CKLF: variants seen among roughly 807,000 people sequenced by gnomAD.
The protein encoded by CKLF is chemokine like factor.
Under a neutral mutation model 12.9 loss-of-function variants are expected in CKLF, and 16 were observed. The ratio of observed to expected loss-of-function variants is 1.24; its 90% confidence interval spans 0.84 to 1.88. CKLF has a LOEUF of 1.88. Among genes scored for constraint, CKLF ranks in the 40% most tolerant of loss-of-function variants. The pLI is 0.00. For synonymous variants in CKLF, 61 were observed against 69.0 expected, an observed-to-expected ratio of 0.88 and a Z score of 0.57; for missense variants, 172 against 188.5, an observed-to-expected ratio of 0.91 and a Z score of 0.51.
At chr16:66,556,889 C>G (rs1300428117) in intron 1 of CKLF, among the ~76,000 whole-genome samples, 1 of 152,166 alleles carries the variant, frequency 6.6e-6, no homozygotes, top group Non-Finnish European at 1.5e-5. Context: ...CCAGGGAAGA[C>G]TCTTGACCAA....
intron 1 of CKLF, among the ~76,000 whole-genome samples, chr16:66,557,443 C>T (rs1404895512): frequency 1.3e-5 from 2 of 152,178 alleles, no homozygotes; most frequent in Non-Finnish European, 1.5e-5. Flanking sequence ...GCTGGGATTA[C>T]AGGCATGAGC....
Position 66,552,684 on chromosome 16 carries a change from G to A in CKLF, c.-32G>A, listed in dbSNP as rs1335419700. 6.2e-7 allele frequency: 1 copy of A among 1,614,096 alleles called. No individual in the cohort carries two copies. The highest frequency in any genetic ancestry group is 8.5e-7 in the Non-Finnish European group (1 of 1,180,016). On this transcript the variant is annotated 5_prime_UTR_variant, in exon 1 of 4. Transcript: ENST00000264001. ...CAGGCAGCCAGCTGAGAAGAGTTGA[G>A]GGAAAGTGCTGCTGCTGGGTCTGCA...
rs557632169 is a variant in CKLF at position 66,552,607 on chromosome 16, G to C, written c.-109G>C. 182 of 1,547,454 alleles carry C rather than the reference G, an allele frequency of 1.2e-4. No homozygotes were observed. The African/African-American group carries it at 2.2e-3, about 18-fold the overall frequency. ...AAGCCGAGCTGGGCGAGAAGTAGGGGAGGGCGGTGCTCCGCCGCGGTGGCG... is the reference window on the plus strand; with the variant it reads ...AAGCCGAGCTGGGCGAGAAGTAGGGCAGGGCGGTGCTCCGCCGCGGTGGCG... On this transcript the variant is annotated 5_prime_UTR_variant, in exon 1 of 4. Coordinates refer to ENST00000264001, the MANE Select transcript of CKLF (RefSeq NM_016951.4).
At chr16:66,564,160 T>C (rs370023347) in intron 3 of CKLF, among the ~76,000 whole-genome samples, 8 of 152,188 alleles carry the variant, frequency 5.3e-5, no homozygotes, top group African/African-American at 1.4e-4. Context: ...TTTCATTCAC[T>C]TTTTTACTCA....
intron 2 of CKLF, among the ~76,000 whole-genome samples, chr16:66,560,532 A>G (rs973426135): frequency 6.6e-6 from 1 of 152,096 alleles, no homozygotes; most frequent in Non-Finnish European, 1.5e-5. Flanking sequence ...TCATATGGAG[A>G]TATTCAGAAA....
chr16:66,552,575 G>A, upstream of CKLF: 2 of 1,361,204 alleles, frequency 1.5e-6, no homozygotes, highest in Non-Finnish European at 1.0e-6. Flanking sequence ...GCGCGCAAGA[G>A]AGCGGGAAGC....
intron 1 of CKLF, among the ~76,000 whole-genome samples, chr16:66,556,626 C>T (rs2011462644): frequency 6.6e-6 from 1 of 152,140 alleles, no homozygotes; most frequent in Non-Finnish European, 1.5e-5. Flanking sequence ...AATCTGTGGG[C>T]TGAAGACCTT....
At chr16:66,558,093 C>A in intron 1 of CKLF, 97 bp from the exon 2 acceptor site, 1 of 1,534,622 alleles carries the variant, frequency 6.5e-7, no homozygotes. Flanking sequence ...TAGGCATGAC[C>A]CACTGTGCCC....
Position 66,552,802 on chromosome 16 carries a change from G to C in CKLF, c.78+9G>C. The C allele has an allele frequency of 1.9e-6, 3 of 1,613,888 alleles. No homozygotes were observed. The highest frequency in any genetic ancestry group is 2.5e-6 in the Non-Finnish European group (3 of 1,179,896). On this transcript the variant is annotated intron_variant, in intron 1 of 3. Transcript: ENST00000264001. ...TGAAGATGCTGCGGCTGGTGAGGCC[G>C]GGCCGCGGAGGGCGGGAGGCTGATG...
intron 3 of CKLF, 143 bp from the exon 4 acceptor site, chr16:66,565,743 C>T (rs929879384): frequency 2.1e-5 from 15 of 724,356 alleles, no homozygotes; most frequent in Non-Finnish European, 3.2e-5. Flanking sequence ...TGAAGTCTCT[C>T]CATGTTAGTA....
chr16:66,563,683 C>T (rs1344705928), intron 3 of CKLF, among the ~76,000 whole-genome samples: 2 of 152,132 alleles, frequency 1.3e-5, no homozygotes, highest in East Asian at 3.9e-4. Flanking sequence ...TAGATGATGT[C>T]CTTACGGTAA....
At chr16:66,555,573 G>A (rs1418202092) in intron 1 of CKLF, among the ~76,000 whole-genome samples, 2 of 152,154 alleles carry the variant, frequency 1.3e-5, no homozygotes, top group Non-Finnish European at 1.5e-5. Context: ...TAAAGCAAAT[G>A]TGAAAAAAGG....
intron 1 of CKLF, among the ~76,000 whole-genome samples, chr16:66,555,878 G>A (rs1452348598): frequency 6.6e-6 from 1 of 152,210 alleles, no homozygotes; most frequent in African/African-American, 2.4e-5. Flanking sequence ...TTATTGATCA[G>A]TTGGGGAATG....
At chr16:66,563,877 T>G (rs2144556298) in intron 3 of CKLF, among the ~76,000 whole-genome samples, 1 of 152,344 alleles carries the variant, frequency 6.6e-6, no homozygotes, top group South Asian at 2.1e-4. Flanking sequence ...TCATTTAGCT[T>G]TTCTAGGTTC....
At position 66,565,899 on chromosome 16, in the gene CKLF, T is replaced by G. The variant is rs762779385; in HGVS notation, c.347T>G (p.Val116Gly). 1 of 1,614,064 alleles carries G rather than the reference T, an allele frequency of 6.2e-7. No individual in the cohort carries two copies. The highest frequency in any genetic ancestry group is 1.1e-5 in the South Asian group (1 of 91,082). Residue 116 changes from valine (V) to glycine (G), a missense_variant, in exon 4 of 4, where the codon GTG (valine) becomes GGG (glycine). Coordinates refer to ENST00000264001, the MANE Select transcript of CKLF (RefSeq NM_016951.4). ...LTVGGGVFAL[V>G]TAVCCLADGA... ...CTTTCTTTCCAGGTGTTTGCACTTG[T>G]GACAGCAGTATGCTGTCTTGCCGAC...
intron 1 of CKLF, among the ~76,000 whole-genome samples, chr16:66,553,827 C>G (rs1330338822): frequency 6.6e-6 from 1 of 152,142 alleles, no homozygotes; most frequent in Non-Finnish European, 1.5e-5. Flanking sequence ...AAAGGAGACT[C>G]AAACTTAAGG....
In CKLF at chr16:66,566,059, T is replaced by C. The variant is rs16956739; in HGVS notation, c.*48T>C. The C allele has an allele frequency of 4.0e-5, 65 of 1,609,994 alleles. No individual in the cohort carries two copies. Among genetic ancestry groups the C allele is most frequent in the Non-Finnish European group, 5.4e-5 (63 of 1,176,890 alleles). Reference sequence around the variant, plus strand: ...ATACTAAGTATTAAACATATTTCTGTATTCTTCCACATATTTTCTGCAGTT... The same window carrying C: ...ATACTAAGTATTAAACATATTTCTGCATTCTTCCACATATTTTCTGCAGTT... On this transcript the variant is annotated 3_prime_UTR_variant, in exon 4 of 4. Transcript: ENST00000264001. This position sits in a 1 kb window ranked among gnomAD's most constrained non-coding sequence, Gnocchi z 4.9.
chr16:66,561,903 A>G (rs1005300673), intron 2 of CKLF, among the ~76,000 whole-genome samples: 3 of 152,166 alleles, frequency 2.0e-5, no homozygotes, highest in Non-Finnish European at 2.9e-5. Context: ...AAAATGTAAA[A>G]TTGCACTTCT....
intron 2 of CKLF, 80 bp from the exon 3 acceptor site, chr16:66,563,029 TTTTGTTGTTGTTG>T (rs1257589286): frequency 2.7e-6 from 4 of 1,472,054 alleles, no homozygotes; most frequent in Admixed American, 3.6e-5. Context: ...TGACTTTGTT[TTTTGTTGTTGTTG>T]TTTTTTTGTT....
Sources: allele counts gnomAD v4.1 joint callset (sites outside exome capture counted in the v4.1 genomes callset), GRCh38; gene constraint gnomAD v4.1.1; non-coding constraint Gnocchi (gnomAD v3.1); transcripts MANE v1.5; gene names NCBI Gene and HGNC (gene_info 2026-07-23, HGNC 2026-07-21).